The following GRAMD1B variants were observed in gnomAD, a reference collection of about 807,000 sequenced individuals.
The protein encoded by GRAMD1B is GRAM domain containing 1B.
Under a neutral mutation model 99.7 loss-of-function variants are expected in GRAMD1B, and 37 were observed. The observed-to-expected ratio is 0.37, with a 90% CI of 0.29 to 0.49. The LOEUF is 0.49. Ranked by LOEUF, GRAMD1B falls within the 20% of genes least tolerant of loss-of-function variation. The pLI is 0.98. For synonymous variants in GRAMD1B, 427 were observed against 387.6 expected (o/e 1.10, Z -1.19); for missense variants, 888 against 1,009.2 (o/e 0.88, Z 1.63).
rs1158120969 is a variant in GRAMD1B at position 123,541,066 on chromosome 11, C to T, written c.453-36301C>T. 5.3e-5 allele frequency among the ~76,000 whole-genome samples: 8 copies of T among 152,072 alleles called. No homozygotes were observed. The East Asian group carries it at 1.2e-3, about 22-fold the overall frequency. On this transcript the variant is annotated intron_variant, in intron 2 of 19. Transcript: ENST00000635736. ...TCGGCTCATCGCAACCTCCGCCTCC[C>T]GGGTTCAAGGAGTTCTCCTGCCTCA...
intron 2 of GRAMD1B, among the ~76,000 whole-genome samples, chr11:123,552,369 G>A (rs1945711700): frequency 6.8e-6 from 1 of 146,406 alleles, no homozygotes; most frequent in Non-Finnish European, 1.5e-5. Context: ...TCGGCTCACT[G>A]CAGCCTCCAA....
intron 19 of GRAMD1B, among the ~76,000 whole-genome samples, chr11:123,620,032 A>G (rs746363081): frequency 3.9e-5 from 6 of 152,246 alleles, no homozygotes; most frequent in Admixed American, 6.5e-5. Flanking sequence ...GACCGTGAGC[A>G]AGGGACCTTG....
chr11:123,403,747 T>A (rs1032570406), intron 1 of GRAMD1B, among the ~76,000 whole-genome samples: 4 of 151,830 alleles, frequency 2.6e-5, no homozygotes, highest in African/African-American at 9.7e-5. Flanking sequence ...TTTCGCTACG[T>A]TGGTGAGGCT....
At chr11:123,554,541 A>AG (rs1565365840) in intron 2 of GRAMD1B, among the ~76,000 whole-genome samples, 1 of 150,612 alleles carries the variant, frequency 6.6e-6, no homozygotes, top group Non-Finnish European at 1.5e-5. Flanking sequence ...AAAAAAAAAA[A>AG]AAAAGAAAGA....
intron 1 of GRAMD1B, among the ~76,000 whole-genome samples, chr11:123,418,603 C>A (rs1370892913): frequency 6.6e-6 from 1 of 152,176 alleles, no homozygotes; most frequent in Non-Finnish European, 1.5e-5. Context: ...TCTCCTGAGA[C>A]CTCCTCTGTG....
chr11:123,530,475 G>A (rs971862152), intron 2 of GRAMD1B, among the ~76,000 whole-genome samples: 1 of 152,134 alleles, frequency 6.6e-6, no homozygotes, highest in Non-Finnish European at 1.5e-5. Flanking sequence ...CGTCCCCCCG[G>A]ATTCAAGTGA....
intron 3 of GRAMD1B, among the ~76,000 whole-genome samples, chr11:123,579,361 G>C (rs1949079812): frequency 6.6e-6 from 1 of 152,212 alleles, no homozygotes. Context: ...CCTTTCCTAA[G>C]GGAAGCACAA....
intron 2 of GRAMD1B, among the ~76,000 whole-genome samples, chr11:123,503,064 G>A (rs1438567381): frequency 6.6e-6 from 1 of 152,144 alleles, no homozygotes; most frequent in African/African-American, 2.4e-5. Flanking sequence ...TTCAAAATGC[G>A]AAGGATGGCC....
chr11:123,441,639 GA>G (rs570122014), intron 1 of GRAMD1B, among the ~76,000 whole-genome samples: 298 of 151,598 alleles, frequency 2.0e-3, no homozygotes, highest in Non-Finnish European at 3.7e-3. Context: ...AAAAAAAAGA[GA>G]AAAAAATTAG....
intron 7 of GRAMD1B, among the ~76,000 whole-genome samples, chr11:123,599,932 A>G (rs1221873420): frequency 6.6e-6 from 1 of 152,214 alleles, no homozygotes; most frequent in Non-Finnish European, 1.5e-5. Context: ...CTTGTGGTTG[A>G]TCAGTAAAAT....
At chr11:123,373,495 A>G (rs1417405029) in intron 1 of GRAMD1B, among the ~76,000 whole-genome samples, 1 of 152,210 alleles carries the variant, frequency 6.6e-6, no homozygotes, top group African/African-American at 2.4e-5. Context: ...CTTGTCAGTC[A>G]GTTTGGTAGA....
chr11:123,389,987 C>T (rs1947214963), intron 1 of GRAMD1B, among the ~76,000 whole-genome samples: 1 of 152,024 alleles, frequency 6.6e-6, no homozygotes, highest in Admixed American at 6.6e-5. Flanking sequence ...AAACTCCTGG[C>T]CCCAAGTGAT....
Position 123,608,675 on chromosome 11 carries a change from C to A in GRAMD1B, c.1530C>A (p.Phe510Leu). 6.3e-7 allele frequency: 1 copy of A among 1,575,576 alleles called. No homozygotes were observed. The change falls in exon 12 of 20, where the codon TTC becomes TTA. Residue 510 changes from phenylalanine to leucine, a missense_variant. Coordinates refer to ENST00000635736, the MANE Select transcript of GRAMD1B (RefSeq NM_001387025.1). ...TCTGTGCAGGAGAGGTCCAGGCCTT[C>A]TATGAGGACCTGAGTGGCCGGCAGT... ...DTHDEGEVQAFYEDLSGRQYV... is the reference protein window; with the variant it reads ...DTHDEGEVQALYEDLSGRQYV...
chr11:123,398,529 A>G (rs537532921), intron 1 of GRAMD1B, among the ~76,000 whole-genome samples: 1 of 152,344 alleles, frequency 6.6e-6, no homozygotes, highest in African/African-American at 2.4e-5. Context: ...ACTTGTATCA[A>G]TTTATACTCC....
chr11:123,608,200 T>G, intron 11 of GRAMD1B: 1 of 376,884 alleles, frequency 2.7e-6, no homozygotes, highest in Non-Finnish European at 4.8e-6. Flanking sequence ...TGTACACTGA[T>G]TCTTCCAGAT....
At position 123,457,117 on chromosome 11, in the gene GRAMD1B, A is replaced by AGAAAGAAAGAAAGAAAAG; in HGVS notation, c.375-23699_375-23698insGAAAGAAAGAAAGAAAAG. Among the ~76,000 whole-genome samples, 7 of 99,434 alleles carry AGAAAGAAAGAAAGAAAAG rather than the reference A, an allele frequency of 7.0e-5. No individual in the cohort carries two copies. The Admixed American group carries it at 8.5e-4, about 12-fold the overall frequency. 65.2% of individuals were successfully genotyped at this position (99,434 alleles called of 152,430 possible). ...ACAGAGAGAGACCCTTTCTGAGAAA[A>AGAAAGAAAGAAAGAAAAG]AAAGAAAGAAAGAAAGAAAGAATTA... On this transcript the variant is annotated intron_variant, in intron 1 of 19. Coordinates refer to ENST00000635736, the MANE Select transcript of GRAMD1B (RefSeq NM_001387025.1).
chr11:123,385,928 A>G (rs1226248533), intron 1 of GRAMD1B, among the ~76,000 whole-genome samples: 1 of 152,086 alleles, frequency 6.6e-6, no homozygotes, highest in Non-Finnish European at 1.5e-5. Context: ...CAGGCCTCAT[A>G]ATTATGCTTT....
At chr11:123,498,152 G>C (rs989184336) in intron 2 of GRAMD1B, among the ~76,000 whole-genome samples, 1 of 152,208 alleles carries the variant, frequency 6.6e-6, no homozygotes, top group East Asian at 1.9e-4. Flanking sequence ...CTCTGGTCCA[G>C]AGCAGGTCCA....
chr11:123,472,596 AGGGGCACCCAAAT>A (rs1264058611), intron 1 of GRAMD1B, among the ~76,000 whole-genome samples: 1 of 152,202 alleles, frequency 6.6e-6, no homozygotes, highest in African/African-American at 2.4e-5. Context: ...TGTGAGAGAG[AGGGGCACCCAAAT>A]GGGAATTACG....
Sources: allele counts gnomAD v4.1 joint callset (sites outside exome capture counted in the v4.1 genomes callset), GRCh38; gene constraint gnomAD v4.1.1; transcripts MANE v1.5; gene names NCBI Gene and HGNC (gene_info 2026-07-23, HGNC 2026-07-21).